The following PITPNB variants were observed in gnomAD, a reference collection of about 807,000 sequenced individuals.
PITPNB encodes phosphatidylinositol transfer protein beta, also known as phosphatidylinositol transfer protein beta isoform.
A neutral mutation model predicts 45.9 loss-of-function variants in PITPNB; 16 were observed. The observed-to-expected ratio is 0.35, with a 90% CI of 0.24 to 0.53. The LOEUF (loss-of-function observed/expected upper bound fraction) is 0.53. Ranked by LOEUF, PITPNB falls within the 20% of genes least tolerant of loss-of-function variation. The probability of loss-of-function intolerance (pLI) is 0.93; values close to 1 mark genes in which losing one functional copy is unlikely to be tolerated. For synonymous variants in PITPNB, 112 were observed against 108.9 expected (o/e 1.03, Z -0.18); for missense variants, 188 against 330.5 (o/e 0.57, Z 3.34).
chr22:27,866,093 C>T (rs1307194321), intron 8 of PITPNB, among the ~76,000 whole-genome samples: 2 of 152,054 alleles, frequency 1.3e-5, no homozygotes, highest in Non-Finnish European at 2.9e-5. Flanking sequence ...AAAAGGACAA[C>T]TTAAAAAGGT....
chr22:27,873,271 A>C (rs2146366044), intron 8 of PITPNB, among the ~76,000 whole-genome samples: 1 of 152,264 alleles, frequency 6.6e-6, no homozygotes, highest in East Asian at 1.9e-4. Context: ...CTGTCTCAAA[A>C]ACAAAACAAA....
intron 3 of PITPNB, among the ~76,000 whole-genome samples, chr22:27,904,628 A>C (rs1935705470): frequency 6.6e-6 from 1 of 152,248 alleles, no homozygotes; most frequent in Non-Finnish European, 1.5e-5. Context: ...ATGGCATATA[A>C]ATTATATCTC....
chr22:27,884,020 G>A (rs1487272244), intron 7 of PITPNB, among the ~76,000 whole-genome samples: 1 of 152,224 alleles, frequency 6.6e-6, no homozygotes, highest in Non-Finnish European at 1.5e-5. Flanking sequence ...TGGACCCACA[G>A]CTTTGCTGCA....
At chr22:27,872,214 C>T (rs1347526666) in intron 8 of PITPNB, among the ~76,000 whole-genome samples, 1 of 151,066 alleles carries the variant, frequency 6.6e-6, no homozygotes, top group African/African-American at 2.4e-5. Flanking sequence ...CTGCCTCAGC[C>T]TCCTGAGTAG....
At chr22:27,883,448 C>T (rs989799938) in intron 7 of PITPNB, among the ~76,000 whole-genome samples, 2 of 152,220 alleles carry the variant, frequency 1.3e-5, no homozygotes, top group Non-Finnish European at 2.9e-5. Context: ...GGTGCCTATG[C>T]TACAATCTTC....
chr22:27,914,232 A>G (rs896960682), intron 2 of PITPNB, 85 bp downstream of exon 2: 2 of 812,238 alleles, frequency 2.5e-6, no homozygotes, highest in Admixed American at 1.9e-5. Flanking sequence ...AGGTAAATCA[A>G]TACTACGAAA....
chr22:27,890,812 T>G (rs1168908838), intron 7 of PITPNB, among the ~76,000 whole-genome samples: 3 of 152,056 alleles, frequency 2.0e-5, no homozygotes, highest in Non-Finnish European at 4.4e-5. Flanking sequence ...AGACTCTGTC[T>G]CAAAAACAAA....
At chr22:27,896,799 CA>C (rs1333792015) in intron 5 of PITPNB, 173 bp from the exon 6 acceptor site, 3 of 611,782 alleles carry the variant, frequency 4.9e-6, no homozygotes, top group African/African-American at 3.7e-5. Flanking sequence ...TCAGGCAAAC[CA>C]AATGCTACAT....
At chr22:27,854,529 A>G (rs1934117304) in intron 11 of PITPNB, among the ~76,000 whole-genome samples, 1 of 152,190 alleles carries the variant, frequency 6.6e-6, no homozygotes, top group Non-Finnish European at 1.5e-5. Flanking sequence ...ATGGTTCTAC[A>G]AAGAACCAGG....
intron 1 of PITPNB, 65 bp downstream of exon 1, chr22:27,919,107 C>T (rs971729005): frequency 1.9e-6 from 3 of 1,613,154 alleles, no homozygotes; most frequent in East Asian, 2.2e-5. Flanking sequence ...CCTACCACTT[C>T]TCCATCAACA....
chr22:27,908,584 G>C (rs746021809), intron 3 of PITPNB, among the ~76,000 whole-genome samples: 1 of 151,928 alleles, frequency 6.6e-6, no homozygotes, highest in African/African-American at 2.4e-5. Context: ...AGAACCCCCA[G>C]GAAGAGTCCA....
chr22:27,884,331 G>A (rs1358656681), intron 7 of PITPNB, among the ~76,000 whole-genome samples: 5 of 152,224 alleles, frequency 3.3e-5, no homozygotes, highest in African/African-American at 1.2e-4. Context: ...GCACATGAGA[G>A]TAACAACTAG....
rs1447553555 is a variant in PITPNB at position 27,919,256 on chromosome 22, C to T, written c.-65G>A. ...CCGCCGCCGCCGCTACCGCCTCTCACAGCGCCTGCGCGGCCCCGCCTCCCT... is the reference window on the plus strand; with the variant it reads ...CCGCCGCCGCCGCTACCGCCTCTCATAGCGCCTGCGCGGCCCCGCCTCCCT... On this transcript the variant is annotated 5_prime_UTR_variant, in exon 1 of 12. The change creates a new upstream start codon in the 5' untranslated region. Coordinates refer to ENST00000335272, the MANE Select transcript of PITPNB (RefSeq NM_012399.5). The T allele has an allele frequency of 8.9e-6, 13 of 1,459,176 alleles. No individual in the cohort carries two copies. Among genetic ancestry groups the T allele is most frequent in the South Asian group, 3.4e-5 (3 of 88,224 alleles). 90.4% of individuals were successfully genotyped at this position (1,459,176 alleles called of 1,614,324 possible).
chr22:27,886,182 C>T (rs553802242), intron 7 of PITPNB, among the ~76,000 whole-genome samples: 1 of 152,272 alleles, frequency 6.6e-6, no homozygotes, highest in African/African-American at 2.4e-5. Context: ...AATCCGTTTC[C>T]TATGGTAGGT....
intron 6 of PITPNB, among the ~76,000 whole-genome samples, chr22:27,895,792 A>T (rs561836165): frequency 6.6e-6 from 1 of 152,256 alleles, no homozygotes; most frequent in South Asian, 2.1e-4. Flanking sequence ...AGAAAACAGA[A>T]ACTGCTGAGT....
At chr22:27,905,199 G>C (rs1315335420) in intron 3 of PITPNB, among the ~76,000 whole-genome samples, 2 of 152,138 alleles carry the variant, frequency 1.3e-5, no homozygotes, top group Admixed American at 1.3e-4. Flanking sequence ...TCCCAGGCTG[G>C]AGTACAATCA....
chr22:27,871,789 AT>A (rs745567328), intron 8 of PITPNB, among the ~76,000 whole-genome samples: 1 of 152,200 alleles, frequency 6.6e-6, no homozygotes, highest in Non-Finnish European at 1.5e-5. Context: ...TTGAAATGCA[AT>A]CCCTAATGTT....
chr22:27,891,084 A>G (rs1004666866), intron 7 of PITPNB, among the ~76,000 whole-genome samples: 1 of 152,220 alleles, frequency 6.6e-6, no homozygotes, highest in Non-Finnish European at 1.5e-5. Flanking sequence ...AAGGAGAATC[A>G]GGGAACGACT....
chr22:27,862,720 T>C (rs9620744), intron 8 of PITPNB, among the ~76,000 whole-genome samples: 7,329 of 152,272 alleles, frequency 0.048, 290 homozygotes, highest in South Asian at 0.12. Context: ...ATGAAGTGGG[T>C]ACCATTTACC....
Sources: gnomAD v4.1 joint callset for allele counts (sites outside exome capture counted in the v4.1 genomes callset) on GRCh38, gnomAD v4.1.1 for gene constraint, MANE v1.5 for transcripts, NCBI Gene and HGNC (gene_info 2026-07-23, HGNC 2026-07-21) for gene names.